Variants in VAC14 observed in about 807,000 individuals in gnomAD.
VAC14 encodes protein VAC14 homolog.
VAC14 carries 47 observed loss-of-function variants against 85.3 expected under a neutral mutation model. The ratio of observed to expected loss-of-function variants is 0.55; its 90% CI spans 0.44 to 0.70. The LOEUF is 0.70. Ranked by LOEUF, VAC14 falls within the 30% of genes least tolerant of loss-of-function variation. The probability of loss-of-function intolerance (pLI) is 0.00; values close to 1 mark genes in which losing one functional copy is unlikely to be tolerated. For missense variants in VAC14, 861 were observed against 1,004.3 expected (o/e 0.86, Z 1.93); for synonymous variants, 447 against 430.5 (o/e 1.04, Z -0.47).
chr16:70,783,614 C>G lies in VAC14; in HGVS notation c.595-60G>C, dbSNP rs188280787. On this transcript the variant is annotated intron_variant, in intron 5 of 18. Coordinates refer to ENST00000261776, the MANE Select transcript of VAC14 (RefSeq NM_018052.5). Reference sequence around the variant, plus strand: ...CTCCAGAACCCTGTTTCCTGCTCACCAAGCCTCTGGGACTGGGCTGTAGGA... The same window carrying G: ...CTCCAGAACCCTGTTTCCTGCTCACGAAGCCTCTGGGACTGGGCTGTAGGA... 6.4e-6 allele frequency: 10 copies of G among 1,551,686 alleles called. No homozygotes were observed. The African/African-American group carries it at 1.4e-4, about 21-fold the overall frequency.
At chr16:70,785,331 C>T (rs1246111982) in intron 3 of VAC14, among the ~76,000 whole-genome samples, 1 of 152,190 alleles carries the variant, frequency 6.6e-6, no homozygotes, top group African/African-American at 2.4e-5. Context: ...TGAGCTTTTT[C>T]TAGGGCACTT....
At chr16:70,784,683 A>G in intron 4 of VAC14, 93 bp downstream of exon 4, 1 of 1,216,030 alleles carries the variant, frequency 8.2e-7, no homozygotes, top group African/African-American at 1.5e-5. Flanking sequence ...TTTAAATTCA[A>G]GAAGAACATT....
rs527284345 is a variant in VAC14, at chr16:70,748,414, G to T, written c.1372-3835C>A. ...CCAGGGACCCAGTGATGATGCCTGGGGGGGAGCCAGGAGGCTCTGGAAGTA... is the reference window on the plus strand; with the variant it reads ...CCAGGGACCCAGTGATGATGCCTGGTGGGGAGCCAGGAGGCTCTGGAAGTA... On this transcript the variant is annotated intron_variant, in intron 12 of 18. Coordinates refer to ENST00000261776, the MANE Select transcript of VAC14 (RefSeq NM_018052.5). Among the ~76,000 whole-genome samples the T allele has an allele frequency of 1.8e-4, 27 of 152,354 alleles. 1 individual carries two copies. The highest frequency in any genetic ancestry group is 1.5e-3 in the South Asian group (7 of 4,826).
chr16:70,690,898 G>T, intron 18 of VAC14: 1 of 985,366 alleles, frequency 1.0e-6, no homozygotes, highest in South Asian at 4.7e-5. Context: ...AAGGCTAGGG[G>T]GTGTCTCACA....
chr16:70,744,026 T>G (rs1013385269), intron 13 of VAC14, among the ~76,000 whole-genome samples: 10 of 151,988 alleles, frequency 6.6e-5, no homozygotes, highest in African/African-American at 2.4e-4. Flanking sequence ...TATTTTTAGC[T>G]TCTCAGAGAG....
intron 1 of VAC14, 170 bp from the exon 2 acceptor site, chr16:70,786,535 C>T: frequency 1.3e-6 from 1 of 795,418 alleles, no homozygotes; most frequent in Non-Finnish European, 1.9e-6. Context: ...TCGTTGTTTC[C>T]CTATTCTGGG....
rs2034020127 is a variant in VAC14, at chr16:70,785,733, T to G, written c.392A>C (p.His131Pro). The change falls in exon 3 of 19, where the codon CAC (histidine) becomes CCC (proline). Residue 131 changes from histidine (H) to proline (P), a missense_variant. Around this residue, in one of 3 missense-constraint regions of VAC14, gnomAD observed 629 missense variants for 703.1 expected, o/e 0.89. Transcript: ENST00000261776. ...CAGCCCGTCAAAGAGCACGTTGAAG[T>G]GGGGCAGCACAGCGCCCCGGGCCAC... ...VKVARGAVLP[H>P]FNVLFDGLSK... 7 of 1,568,438 alleles carry G rather than the reference T, an allele frequency of 4.5e-6. No homozygotes were observed. Among genetic ancestry groups the G allele is most frequent in the Non-Finnish European group, 6.1e-6 (7 of 1,155,616 alleles).
rs2034020872 is a variant in VAC14 at position 70,785,743 on chromosome 16, C to T, written c.382G>A (p.Val128Met). ...YNIVKVARGA[V>M]LPHFNVLFDG... ...AAGAGCACGTTGAAGTGGGGCAGCA[C>T]AGCGCCCCGGGCCACCTTGACGATG... is the stretch of plus-strand genomic sequence containing the variant. The change falls in exon 3 of 19, where the codon GTG (valine) becomes ATG (methionine). Residue 128 changes from valine (V) to methionine (M), a missense_variant. Val to Met is a conservative substitution (Grantham distance 21). This residue lies in a region of VAC14 where 629 missense variants were observed against 703.1 expected (regional missense o/e 0.89). Transcript: ENST00000261776. The T allele has an allele frequency of 7.0e-6, 11 of 1,570,714 alleles. No individual in the cohort carries two copies. The East Asian group carries it at 1.2e-4, about 17-fold the overall frequency.
At chr16:70,789,229 G>C (rs1193009843) in intron 1 of VAC14, among the ~76,000 whole-genome samples, 1 of 152,200 alleles carries the variant, frequency 6.6e-6, no homozygotes, top group Admixed American at 6.5e-5. Context: ...ACATCAGAGG[G>C]GGAAAAAGCC....
intron 15 of VAC14, among the ~76,000 whole-genome samples, chr16:70,697,910 A>T (rs2097272637): frequency 1.3e-5 from 2 of 152,140 alleles, no homozygotes; most frequent in Non-Finnish European, 2.9e-5. Flanking sequence ...CTGAGCCGGC[A>T]GGGGACCTGG....
At chr16:70,797,834 T>C (rs1022666360) in intron 1 of VAC14, among the ~76,000 whole-genome samples, 2 of 152,216 alleles carry the variant, frequency 1.3e-5, no homozygotes, top group Non-Finnish European at 2.9e-5. Context: ...TCACTCTCTT[T>C]TGCTCCTGCT....
At chr16:70,775,898 C>T (rs1489221006) in intron 9 of VAC14, among the ~76,000 whole-genome samples, 1 of 152,328 alleles carries the variant, frequency 6.6e-6, no homozygotes, top group South Asian at 2.1e-4. Context: ...GGATTGGGCA[C>T]TTCTTATTTT....
At chr16:70,763,898 G>A in intron 10 of VAC14, among the ~76,000 whole-genome samples, 1 of 152,176 alleles carries the variant, frequency 6.6e-6, no homozygotes, top group Non-Finnish European at 1.5e-5. Flanking sequence ...TTCAAGGTGG[G>A]GGCAGCATGG....
intron 13 of VAC14, among the ~76,000 whole-genome samples, chr16:70,736,129 G>A (rs2054743008): frequency 6.6e-6 from 1 of 152,192 alleles, no homozygotes; most frequent in Non-Finnish European, 1.5e-5. Flanking sequence ...GAGGTGCGGG[G>A]CCGTTCCAGC....
intron 13 of VAC14, among the ~76,000 whole-genome samples, chr16:70,738,297 C>T (rs938670968): frequency 1.3e-5 from 2 of 152,176 alleles, no homozygotes; most frequent in African/African-American, 4.8e-5. Flanking sequence ...ATGGCACCAA[C>T]TCGGGAACCC....
At chr16:70,689,127 A>G (rs544016992) in intron 18 of VAC14, 16 of 980,802 alleles carry the variant, frequency 1.6e-5, no homozygotes, top group African/African-American at 3.5e-5. Flanking sequence ...GGACCCAACC[A>G]TAACTCCACC....
intron 1 of VAC14, 128 bp from the exon 2 acceptor site, chr16:70,786,493 G>A: frequency 1.6e-6 from 2 of 1,279,754 alleles, no homozygotes; most frequent in Non-Finnish European, 2.1e-6. Flanking sequence ...GGCGTCTCAG[G>A]GCAGGTCTCA....
At chr16:70,798,467 A>C (rs536523005) in intron 1 of VAC14, among the ~76,000 whole-genome samples, 1 of 152,252 alleles carries the variant, frequency 6.6e-6, no homozygotes, top group Non-Finnish European at 1.5e-5. Context: ...TGACACATAG[A>C]AAGTGCTCAG....
At chr16:70,690,802 C>T in intron 18 of VAC14, 4 of 985,558 alleles carry the variant, frequency 4.1e-6, no homozygotes, top group African/African-American at 1.7e-5. Context: ...TCTGAAGTCC[C>T]CTGGCATGCC....
Sources: gnomAD v4.1 joint callset for allele counts (sites outside exome capture counted in the v4.1 genomes callset) on GRCh38, gnomAD v4.1.1 for gene constraint, gnomAD v4.1.1 regional missense constraint, MANE v1.5 for transcripts, NCBI Gene and HGNC (gene_info 2026-07-23, HGNC 2026-07-21) for gene names.